NCKAP5: variants seen among roughly 807,000 people sequenced by gnomAD.
NCKAP5 encodes the protein nck-associated protein 5.
A neutral mutation model predicts 167.0 loss-of-function variants in NCKAP5; 92 were observed. That is an observed-to-expected ratio of 0.55 (90% CI 0.47 to 0.66). NCKAP5 has a LOEUF of 0.66. Among genes scored for constraint, NCKAP5 ranks in the 30% least tolerant of loss-of-function variants. NCKAP5 has a pLI of 0.00. For synonymous variants in NCKAP5, 891 were observed against 877.4 expected, an observed-to-expected ratio of 1.02 and a Z score of -0.27; for missense variants, 2,378 against 2,315.0, an observed-to-expected ratio of 1.03 and a Z score of -0.56.
chr2:133,649,222 G>C, the NCKAP5 span, among the ~76,000 whole-genome samples: 2 of 150,310 alleles, frequency 1.3e-5, no homozygotes, highest in African/African-American at 4.9e-5. Flanking sequence ...CCTATATCTA[G>C]TATGGAGAGT....
In NCKAP5 at chr2:133,514,990, T is replaced by A. The variant is rs551094328; in HGVS notation, c.69+2468A>T. On this transcript the variant is annotated intron_variant, in intron 3 of 19. Transcript: ENST00000409261. ...CTGTACTGTAATGCCAGGTTTGTTG[T>A]TCTTGTTGTTTTCTTGTATTTCACA... Among the ~76,000 whole-genome samples the A allele has an allele frequency of 1.8e-4, 28 of 152,208 alleles. No homozygotes were observed. The East Asian group carries it at 4.8e-3, about 26-fold the overall frequency.
chr2:133,328,885 CATA>C (rs1682638324), intron 3 of NCKAP5, among the ~76,000 whole-genome samples: 1 of 152,056 alleles, frequency 6.6e-6, no homozygotes, highest in Non-Finnish European at 1.5e-5. Context: ...TTGCGGCAAT[CATA>C]ATATTAGAAT....
intron 11 of NCKAP5, among the ~76,000 whole-genome samples, chr2:132,797,082 TA>T (rs1684667746): frequency 6.6e-6 from 1 of 152,206 alleles, no homozygotes; most frequent in Non-Finnish European, 1.5e-5. Context: ...ATATTCACAT[TA>T]AGAAAACCAA....
chr2:132,725,889 G>T, intron 18 of NCKAP5, 130 bp from the exon 19 acceptor site: 3 of 972,792 alleles, frequency 3.1e-6, no homozygotes, highest in African/African-American at 1.7e-5. Context: ...CCACTGCCCA[G>T]CCCGCCGCTC....
At chr2:132,951,004 AGGGAAAAGACTCTATCTT>A (rs2076169846) in intron 8 of NCKAP5, among the ~76,000 whole-genome samples, 1 of 152,230 alleles carries the variant, frequency 6.6e-6, no homozygotes, top group Admixed American at 6.5e-5. Flanking sequence ...GACAAAGGTA[AGGGAAAAGACTCTATCTT>A]GGGAAAAATG....
chr2:132,777,682 A>C (rs1682665626), intron 15 of NCKAP5, among the ~76,000 whole-genome samples: 2 of 152,216 alleles, frequency 1.3e-5, no homozygotes, highest in South Asian at 4.1e-4. Context: ...TAGCACCAAA[A>C]TACCATTTAG....
intron 4 of NCKAP5, among the ~76,000 whole-genome samples, chr2:133,235,132 C>T (rs1041502767): frequency 6.6e-6 from 1 of 151,778 alleles, no homozygotes; most frequent in Non-Finnish European, 1.5e-5. Flanking sequence ...GTCTTCATTA[C>T]TCACACAATT....
chr2:133,098,739 T>C (rs956132860), intron 6 of NCKAP5, among the ~76,000 whole-genome samples: 2 of 152,186 alleles, frequency 1.3e-5, no homozygotes, highest in African/African-American at 4.8e-5. Context: ...TTCATAACAA[T>C]TTCCTTTCAA....
At chr2:133,582,261 C>A in the NCKAP5 span, among the ~76,000 whole-genome samples, 1 of 152,192 alleles carries the variant, frequency 6.6e-6, no homozygotes, top group Non-Finnish European at 1.5e-5. Context: ...AGACCTACTG[C>A]ATCAGGGACT....
intron 3 of NCKAP5, among the ~76,000 whole-genome samples, chr2:133,392,042 C>A (rs1424500643): frequency 6.6e-6 from 1 of 152,192 alleles, no homozygotes; most frequent in Non-Finnish European, 1.5e-5. Context: ...CTCACCAACT[C>A]ACCCCATCCC....
At chr2:133,401,726 G>T (rs1356145037) in intron 3 of NCKAP5, among the ~76,000 whole-genome samples, 2 of 152,150 alleles carry the variant, frequency 1.3e-5, no homozygotes, top group African/African-American at 4.8e-5. Flanking sequence ...TTAAAAAAAG[G>T]ATATTGGGTT....
intron 16 of NCKAP5, among the ~76,000 whole-genome samples, chr2:132,747,166 C>A (rs1679718282): frequency 7.5e-6 from 1 of 133,572 alleles, no homozygotes; most frequent in Admixed American, 7.3e-5. Flanking sequence ...TTATACTCAG[C>A]CTGCCAAAAA....
At chr2:133,613,843 T>G in the NCKAP5 span, among the ~76,000 whole-genome samples, 2 of 152,348 alleles carry the variant, frequency 1.3e-5, no homozygotes, top group South Asian at 4.1e-4. Flanking sequence ...ATGCAAGAGT[T>G]GCTAGTCTTC....
At chr2:133,464,706 G>A (rs942147386) in intron 3 of NCKAP5, among the ~76,000 whole-genome samples, 1 of 152,076 alleles carries the variant, frequency 6.6e-6, no homozygotes, top group Admixed American at 6.6e-5. Context: ...ATAAACAAAT[G>A]AATAAATAAA....
intron 4 of NCKAP5, among the ~76,000 whole-genome samples, chr2:133,251,201 A>T (rs781173967): frequency 6.6e-6 from 1 of 152,194 alleles, no homozygotes; most frequent in Non-Finnish European, 1.5e-5. Context: ...CTTAAAGTGT[A>T]CAGGAGGATG....
At chr2:133,215,364 C>T (rs2086382173) in intron 4 of NCKAP5, among the ~76,000 whole-genome samples, 1 of 152,110 alleles carries the variant, frequency 6.6e-6, no homozygotes, top group South Asian at 2.1e-4. Context: ...CTTCTCTCCC[C>T]AGAAACTGTT....
At chr2:132,773,242 G>C (rs192221373) in intron 16 of NCKAP5, among the ~76,000 whole-genome samples, 5 of 152,276 alleles carry the variant, frequency 3.3e-5, no homozygotes, top group African/African-American at 1.2e-4. Context: ...TTACCTCCAA[G>C]CTGCTGTAAA....
intron 3 of NCKAP5, among the ~76,000 whole-genome samples, chr2:133,389,377 C>G (rs997396301): frequency 6.6e-6 from 1 of 152,166 alleles, no homozygotes; most frequent in Admixed American, 6.5e-5. Flanking sequence ...CTGATTATCC[C>G]TCCCAAATGT....
At chr2:133,524,956 G>T (rs951643859) in intron 2 of NCKAP5, among the ~76,000 whole-genome samples, 1 of 152,062 alleles carries the variant, frequency 6.6e-6, no homozygotes, top group Non-Finnish European at 1.5e-5. Flanking sequence ...GTGTACATGC[G>T]CATGAGTATA....
Sources: allele counts gnomAD v4.1 joint callset (sites outside exome capture counted in the v4.1 genomes callset), GRCh38; gene constraint gnomAD v4.1.1; transcripts MANE v1.5; gene names NCBI Gene and HGNC (gene_info 2026-07-23, HGNC 2026-07-21).